The following ARHGAP6 variants were observed in gnomAD, a reference collection of about 807,000 sequenced individuals.
ARHGAP6 encodes the protein rho GTPase-activating protein 6.
Under a neutral mutation model 55.7 loss-of-function variants are expected in ARHGAP6, and 16 were observed. The ratio of observed to expected loss-of-function variants is 0.29; its 90% CI spans 0.19 to 0.44. ARHGAP6 has a LOEUF of 0.44. Among genes scored for constraint, ARHGAP6 ranks in the 20% least tolerant of loss-of-function variants. The pLI is 1.00. For missense variants in ARHGAP6, 698 were observed against 808.9 expected, an observed-to-expected ratio of 0.86 and a Z score of 1.66; for synonymous variants, 382 against 360.9, an observed-to-expected ratio of 1.06 and a Z score of -0.66.
intron 1 of ARHGAP6, among the ~76,000 whole-genome samples, chrX:11,593,340 A>G (rs1278161161): frequency 1.8e-5 from 2 of 111,591 alleles, no homozygotes; most frequent in African/African-American, 6.5e-5. Context: ...AAAGAAGCCT[A>G]TCCAAGTAGA....
chrX:11,549,952 A>G (rs1478621818), intron 1 of ARHGAP6, among the ~76,000 whole-genome samples: 1 of 112,243 alleles, frequency 8.9e-6, no homozygotes, highest in Non-Finnish European at 1.9e-5. Context: ...CTGTTAGGGC[A>G]TGCAAATTTG....
At chrX:11,304,291 T>C (rs983337802) in intron 1 of ARHGAP6, among the ~76,000 whole-genome samples, 2 of 110,406 alleles carry the variant, frequency 1.8e-5, no homozygotes, top group Admixed American at 9.6e-5. Flanking sequence ...GGTTTCACCA[T>C]GTTGGCCAGG....
At chrX:11,489,290 C>T (rs2050541733) in intron 1 of ARHGAP6, among the ~76,000 whole-genome samples, 1 of 111,869 alleles carries the variant, frequency 8.9e-6, no homozygotes. Context: ...TAGGAGATGG[C>T]TGAGTCAATT....
chrX:11,517,350 T>TC (rs2050852740), intron 1 of ARHGAP6, among the ~76,000 whole-genome samples: 1 of 111,600 alleles, frequency 9.0e-6, no homozygotes, highest in East Asian at 2.8e-4. Context: ...TTACGTACTC[T>TC]CCCCTTTTTG....
intron 2 of ARHGAP6, among the ~76,000 whole-genome samples, chrX:11,214,257 G>GCGCA (rs2046845293): frequency 9.9e-6 from 1 of 100,967 alleles, no homozygotes; most frequent in East Asian, 3.2e-4. Flanking sequence ...CTTTGCTTAA[G>GCGCA]CACACACACA....
intron 10 of ARHGAP6, among the ~76,000 whole-genome samples, chrX:11,153,458 G>C (rs1010225918): frequency 1.9e-5 from 2 of 103,603 alleles, no homozygotes; most frequent in African/African-American, 7.1e-5. Flanking sequence ...CCGGGAGGTG[G>C]GGATTGCAGT....
chrX:11,500,310 C>A (rs1326675508), intron 1 of ARHGAP6, among the ~76,000 whole-genome samples: 1 of 106,725 alleles, frequency 9.4e-6, no homozygotes, highest in African/African-American at 3.6e-5. Flanking sequence ...GAATAAAATA[C>A]CCTTTTCCAA....
intron 1 of ARHGAP6, among the ~76,000 whole-genome samples, chrX:11,390,613 A>G (rs2049390868): frequency 8.9e-6 from 1 of 112,041 alleles, no homozygotes; most frequent in Non-Finnish European, 1.9e-5. Flanking sequence ...AAACAAATTT[A>G]CAAGAAAAAA....
chrX:11,305,703 G>A (rs781354978), intron 1 of ARHGAP6, among the ~76,000 whole-genome samples: 2 of 112,006 alleles, frequency 1.8e-5, no homozygotes, highest in South Asian at 7.5e-4. Context: ...GATTTGCTTG[G>A]ATCTGGCAGA....
chrX:11,513,950 T>C (rs769482823), intron 1 of ARHGAP6, among the ~76,000 whole-genome samples: 2 of 109,418 alleles, frequency 1.8e-5, no homozygotes, highest in South Asian at 8.0e-4. Context: ...TCACTTGAGC[T>C]CAGGAGTTCA....
At chrX:11,240,089 A>T (rs986300744) in intron 2 of ARHGAP6, among the ~76,000 whole-genome samples, 8 of 112,114 alleles carry the variant, frequency 7.1e-5, no homozygotes, top group African/African-American at 2.6e-4. Flanking sequence ...GGAGCCATTC[A>T]TTGTGCCTGT....
At chrX:11,280,304 C>T (rs1201163450) in intron 1 of ARHGAP6, among the ~76,000 whole-genome samples, 2 of 111,506 alleles carry the variant, frequency 1.8e-5, no homozygotes, top group African/African-American at 6.5e-5. Flanking sequence ...CTTAGAGCCA[C>T]AGAGTCCATT....
chrX:11,498,733 G>T (rs1241410973), intron 1 of ARHGAP6, among the ~76,000 whole-genome samples: 1 of 111,152 alleles, frequency 9.0e-6, no homozygotes, highest in Non-Finnish European at 1.9e-5. Flanking sequence ...GCATCTGTGG[G>T]CAAAGGGAAT....
intron 1 of ARHGAP6, among the ~76,000 whole-genome samples, chrX:11,543,434 T>C (rs957722620): frequency 1.7e-4 from 19 of 112,549 alleles, no homozygotes; most frequent in Non-Finnish European, 3.2e-4. Flanking sequence ...GGGAGGAGCA[T>C]GCTACTGGCA....
chrX:11,458,810 AAGG>A (rs2050217476), intron 1 of ARHGAP6, among the ~76,000 whole-genome samples: 1 of 106,197 alleles, frequency 9.4e-6, no homozygotes, highest in Non-Finnish European at 1.9e-5. Context: ...ACATTCTAAT[AAGG>A]AGAGATAGTA....
intron 2 of ARHGAP6, among the ~76,000 whole-genome samples, chrX:11,216,886 C>A (rs1481354463): frequency 1.8e-5 from 2 of 109,898 alleles, no homozygotes; most frequent in Non-Finnish European, 3.8e-5. Context: ...CCCCGACAGG[C>A]CCCAGTGTGT....
chrX:11,303,239 C>G (rs1160338389), intron 1 of ARHGAP6, among the ~76,000 whole-genome samples: 1 of 112,532 alleles, frequency 8.9e-6, no homozygotes, highest in Non-Finnish European at 1.9e-5. Flanking sequence ...TGTGATTTGG[C>G]TTTCAATTCC....
intron 2 of ARHGAP6, among the ~76,000 whole-genome samples, chrX:11,239,245 T>A (rs2147455781): frequency 9.0e-6 from 1 of 111,323 alleles, no homozygotes; most frequent in South Asian, 3.8e-4. Context: ...ATTCTAAAAT[T>A]ATTCCAAAAT....
chrX:11,494,225 G>C (rs2050600509), intron 1 of ARHGAP6, among the ~76,000 whole-genome samples: 1 of 111,984 alleles, frequency 8.9e-6, no homozygotes, highest in Non-Finnish European at 1.9e-5. Flanking sequence ...CTCCAACCCA[G>C]GTTGAGAACC....
Sources: gnomAD v4.1 joint callset for allele counts (sites outside exome capture counted in the v4.1 genomes callset) on GRCh38, gnomAD v4.1.1 for gene constraint, MANE v1.5 for transcripts, NCBI Gene and HGNC (gene_info 2026-07-23, HGNC 2026-07-21) for gene names.